Variants in TENM1 observed in about 807,000 individuals in gnomAD.
The protein encoded by TENM1 is teneurin transmembrane protein 1.
In TENM1, 35 loss-of-function variants were observed where a neutral mutation model predicts 174.8. The ratio of observed to expected loss-of-function variants is 0.20; its 90% CI spans 0.15 to 0.27. TENM1 has a LOEUF of 0.27. Among genes scored for constraint, TENM1 ranks in the 10% least tolerant of loss-of-function variants. TENM1 has a pLI of 1.00. For missense variants in TENM1, 1,633 were observed against 2,130.1 expected (o/e 0.77, Z 4.59); for synonymous variants, 781 against 798.7 (o/e 0.98, Z 0.37).
At chrX:124,984,051 A>G in the TENM1 span, among the ~76,000 whole-genome samples, 7 of 112,797 alleles carry the variant, frequency 6.2e-5, no homozygotes, top group South Asian at 2.6e-3. Context: ...ACCAATAACC[A>G]GAAAAGGTTT....
intron 1 of TENM1, among the ~76,000 whole-genome samples, chrX:124,957,578 CAAAAAA>C (rs1225936775): frequency 3.2e-5 from 1 of 31,054 alleles, no homozygotes; most frequent in Non-Finnish European, 6.0e-5. Context: ...AACTCCAACT[CAAAAAA>C]AAAAAAAAAA....
At chrX:124,577,901 TG>T (rs2049207163) in intron 11 of TENM1, among the ~76,000 whole-genome samples, 1 of 111,039 alleles carries the variant, frequency 9.0e-6, no homozygotes, top group Admixed American at 9.6e-5. Context: ...TCTCGACTCA[TG>T]AATCAGTTCT....
At chrX:124,399,948 G>A (rs763677305) in intron 27 of TENM1, among the ~76,000 whole-genome samples, 37 of 110,794 alleles carry the variant, frequency 3.3e-4, no homozygotes, top group Middle Eastern at 4.2e-3. Context: ...TTCCACTCTG[G>A]GAGACAAAAA....
At chrX:125,028,119 A>C in the TENM1 span, among the ~76,000 whole-genome samples, 2 of 112,041 alleles carry the variant, frequency 1.8e-5, no homozygotes, top group Non-Finnish European at 3.8e-5. Flanking sequence ...TGTATACTTT[A>C]AAAAACTCTC....
chrX:124,740,735 C>T (rs1011246520), intron 3 of TENM1, among the ~76,000 whole-genome samples: 3 of 109,829 alleles, frequency 2.7e-5, no homozygotes, highest in African/African-American at 1.0e-4. Context: ...TGCACTTGTT[C>T]CCTCCCAAAT....
At chrX:125,203,119 C>T in the TENM1 span, among the ~76,000 whole-genome samples, 1 of 112,950 alleles carries the variant, frequency 8.9e-6, no homozygotes, top group Non-Finnish European at 1.9e-5. Context: ...GAGGACGCAT[C>T]GGGTGGGGCC....
intron 23 of TENM1, among the ~76,000 whole-genome samples, chrX:124,439,052 A>G (rs1473362209): frequency 9.0e-6 from 1 of 111,630 alleles, no homozygotes; most frequent in Non-Finnish European, 1.9e-5. Flanking sequence ...AACAGAAGTC[A>G]TTAGTTAGAT....
Position 124,569,196 on chromosome X carries a change from T to TCAAA in TENM1, c.2078-3640_2078-3637dup, listed in dbSNP as rs199921399. ...CTGGGCAACAGAGTGAGGCCCTGTC[T>TCAAA]CAAACAAACAAACAAACAAACAAAA... On this transcript the variant is annotated intron_variant, in intron 11 of 31. Transcript: ENST00000422452. Among the ~76,000 whole-genome samples the TCAAA allele has an allele frequency of 5.9e-4, 64 of 107,959 alleles. 1 individual carries two copies. The highest frequency in any genetic ancestry group is 9.3e-3 in the Middle Eastern group (2 of 214). 93.7% of individuals were successfully genotyped at this position (107,959 alleles called of 115,157 possible).
intron 3 of TENM1, among the ~76,000 whole-genome samples, chrX:124,739,549 T>TC (rs1388056091): frequency 9.0e-6 from 1 of 111,678 alleles, no homozygotes; most frequent in African/African-American, 3.3e-5. Flanking sequence ...CTTAAAACTC[T>TC]CCCCCACCCC....
At chrX:124,986,038 T>C in the TENM1 span, among the ~76,000 whole-genome samples, 1 of 111,840 alleles carries the variant, frequency 8.9e-6, no homozygotes, top group Non-Finnish European at 1.9e-5. Flanking sequence ...CAGGGAAATA[T>C]AAGGAGAGGT....
intron 3 of TENM1, among the ~76,000 whole-genome samples, chrX:124,885,400 A>T (rs921065184): frequency 7.2e-5 from 8 of 111,163 alleles, no homozygotes; most frequent in Non-Finnish European, 1.1e-4. Context: ...GATTACAAAG[A>T]TGTCTATTTT....
At position 124,676,257 on chromosome X, in the gene TENM1, AAT is replaced by A. The variant is rs56962688; in HGVS notation, c.1016-4424_1016-4423del. Among the ~76,000 whole-genome samples the A allele has an allele frequency of 6.6e-3, 150 of 22,860 alleles. 6 individuals are homozygous for A. The highest frequency in any genetic ancestry group is 0.011 in the Non-Finnish European group (100 of 9,080). 19.9% of individuals were successfully genotyped at this position (22,860 alleles called of 115,157 possible). On this transcript the variant is annotated intron_variant, in intron 5 of 31. Transcript: ENST00000422452. ...TTACTGTTCCCTAAGACATATATAA[AAT>A]ATATATATATATATATATATATATA...
intron 3 of TENM1, among the ~76,000 whole-genome samples, chrX:124,801,521 G>T (rs1010006403): frequency 1.8e-4 from 20 of 111,468 alleles, no homozygotes; most frequent in African/African-American, 5.9e-4. Context: ...CACACTGATG[G>T]GTCTTGACTC....
Position 124,764,119 on chromosome X carries a change from C to G in TENM1, c.536-26922G>C, listed in dbSNP as rs1216401666. On this transcript the variant is annotated intron_variant, in intron 3 of 31. Transcript: ENST00000422452. The stretch of plus-strand genomic sequence containing the variant: ...GCTCTTCTGCCTTCTATTAAGACCT[C>G]AGGTCCTCAAAGGACAATATTTTCC... 1.5e-4 allele frequency among the ~76,000 whole-genome samples: 17 copies of G among 112,125 alleles called. No individual in the cohort carries two copies. The Admixed American group carries it at 1.6e-3, about 11-fold the overall frequency.
At chrX:125,117,417 T>C in the TENM1 span, among the ~76,000 whole-genome samples, 2 of 111,806 alleles carry the variant, frequency 1.8e-5, 1 homozygote, top group Admixed American at 1.9e-4. Flanking sequence ...TGGATGAAGC[T>C]GGACACCATC....
intron 3 of TENM1, among the ~76,000 whole-genome samples, chrX:124,880,451 A>G (rs185294964): frequency 3.6e-5 from 4 of 112,127 alleles, no homozygotes; most frequent in Non-Finnish European, 3.8e-5. Context: ...TCTAAGTATA[A>G]GATAATATCA....
At chrX:124,877,320 CAGTTGGTA>C (rs1569471856) in intron 3 of TENM1, among the ~76,000 whole-genome samples, 1 of 112,062 alleles carries the variant, frequency 8.9e-6, no homozygotes. Context: ...TTTTTGGCTG[CAGTTGGTA>C]AGTAATGATA....
chrX:124,939,053 T>C (rs2085727072), intron 1 of TENM1, among the ~76,000 whole-genome samples: 1 of 111,450 alleles, frequency 9.0e-6, no homozygotes, highest in African/African-American at 3.3e-5. Flanking sequence ...AATCAGCAAG[T>C]TTTTGGAAAC....
the TENM1 span, among the ~76,000 whole-genome samples, chrX:125,080,440 C>T: frequency 6.3e-4 from 70 of 110,865 alleles, no homozygotes; most frequent in African/African-American, 2.2e-3. Context: ...TTACTATAAT[C>T]AGAATCAATA....
Sources: allele counts gnomAD v4.1 joint callset (sites outside exome capture counted in the v4.1 genomes callset), GRCh38; gene constraint gnomAD v4.1.1; transcripts MANE v1.5; gene names NCBI Gene and HGNC (gene_info 2026-07-23, HGNC 2026-07-21).